The following FHOD1 variants were observed in gnomAD, a reference collection of about 807,000 sequenced individuals.
FHOD1 encodes formin homology 2 domain containing 1, also known as FH1/FH2 domain-containing protein 1.
FHOD1 carries 89 observed loss-of-function variants against 111.6 expected under a neutral mutation model. The ratio of observed to expected loss-of-function variants is 0.80; its 90% CI spans 0.67 to 0.95. The LOEUF (loss-of-function observed/expected upper bound fraction) is 0.95. FHOD1 is among the 40% of genes least tolerant of loss of function. The pLI, the probability that FHOD1 is intolerant of heterozygous loss-of-function variation, is 0.00. For missense variants in FHOD1, 1,446 were observed against 1,554.2 expected, an observed-to-expected ratio of 0.93 and a Z score of 1.17; for synonymous variants, 618 against 639.0, an observed-to-expected ratio of 0.97 and a Z score of 0.50.
rs750563807 is a variant in FHOD1 at position 67,238,255 on chromosome 16, A to T, written c.494T>A (p.Leu165Gln). Reference sequence around the variant, plus strand: ...GTCGGCAGCAGCACCCACACGGATCAGGCAGCTCAGCCCCTCTGAATGCAC... The same window carrying T: ...GTCGGCAGCAGCACCCACACGGATCTGGCAGCTCAGCCCCTCTGAATGCAC... Reference protein sequence around the residue: ...EFVHSEGLSCLIRVGAAADHN... With the variant: ...EFVHSEGLSCQIRVGAAADHN... The change falls in exon 5 of 22, where the codon CTG becomes CAG. Residue 165 changes from leucine (L) to glutamine (Q), a missense_variant. By Grantham distance (113) the Leu-to-Gln change is moderately radical (BLOSUM62 -2). Coordinates refer to ENST00000258201, the MANE Select transcript of FHOD1 (RefSeq NM_013241.3). The surrounding 1 kb of genome is among the most constrained non-coding windows in gnomAD (Gnocchi z 4.2). The T allele has an allele frequency of 1.2e-6, 2 of 1,614,186 alleles. No homozygotes were observed. Among genetic ancestry groups the T allele is most frequent in the Non-Finnish European group, 1.7e-6 (2 of 1,180,026 alleles).
intron 1 of FHOD1, among the ~76,000 whole-genome samples, chr16:67,243,314 G>A (rs1308442737): frequency 2.0e-5 from 3 of 152,068 alleles, no homozygotes; most frequent in African/African-American, 7.2e-5. Flanking sequence ...CCTTGGGGAG[G>A]GAAATCCACT....
chr16:67,230,407 C>G lies in FHOD1; in HGVS notation c.2958G>C (p.Glu986Asp). The G allele has an allele frequency of 6.2e-7, 1 of 1,614,254 alleles. No homozygotes were observed. Reference protein sequence around the residue: ...FCHTLREFALEYRTCRERVLQ... With the variant: ...FCHTLREFALDYRTCRERVLQ... ...GCACTCGTTCCCGGCAAGTCCGATACTCAAGCGCAAATTCCCGCAGCGTGT... is the reference window on the plus strand; with the variant it reads ...GCACTCGTTCCCGGCAAGTCCGATAGTCAAGCGCAAATTCCCGCAGCGTGT... Residue 986 changes from glutamate to aspartate, a missense_variant, in exon 19 of 22, where the codon GAG becomes GAC. By Grantham distance (45) the Glu-to-Asp change is conservative. This residue lies in a region of FHOD1 where 1,085 missense variants were observed against 1,108.8 expected (regional missense o/e 0.98). Transcript: ENST00000258201.
In FHOD1 at chr16:67,236,573, C is replaced by T. The variant is rs774140986; in HGVS notation, c.1303G>A (p.Glu435Lys). 3.3e-5 allele frequency: 54 copies of T among 1,613,172 alleles called. No homozygotes were observed. The highest frequency in any genetic ancestry group is 4.0e-5 in the Non-Finnish European group (47 of 1,179,760). Residue 435 changes from glutamate (E) to lysine (K), a missense_variant, in exon 11 of 22, where the codon GAG (glutamate) becomes AAG (lysine). Physicochemically the swap from Glu to Lys is moderately conservative, Grantham distance 56. Transcript: ENST00000258201. ...SVAPSADTSS[E>K]RSIYKARFLE... The stretch of plus-strand genomic sequence containing the variant: ...CCTACTTACTTGTAGATGCTCCTCT[C>T]GCTGGAGGTGTCAGCTGAGGGTGCC...
In FHOD1 at chr16:67,234,193, G is replaced by C; in HGVS notation, c.1510C>G (p.Leu504Val). The change falls in exon 13 of 22, where the codon CTG becomes GTG. Residue 504 changes from leucine to valine, a missense_variant. Around this residue, in one of 3 missense-constraint regions of FHOD1, gnomAD observed 1,085 missense variants for 1,108.8 expected, o/e 0.98. Coordinates refer to ENST00000258201, the MANE Select transcript of FHOD1 (RefSeq NM_013241.3). The part of the protein sequence containing the change: ...RTPQSPAPCV[L>V]LRAQRSLAPE... ...GCAAGGCTTCGCTGGGCCCGGAGCA[G>C]GACACAGGGGGCAGGGCTCTGGGGT... The C allele has an allele frequency of 6.5e-7, 1 of 1,548,660 alleles. No individual in the cohort carries two copies. Among genetic ancestry groups the C allele is most frequent in the Non-Finnish European group, 8.7e-7 (1 of 1,145,756 alleles).
In FHOD1 at chr16:67,233,936, TG is replaced by T; in HGVS notation, c.1766del (p.Pro589HisfsTer39). 2.6e-6 allele frequency: 1 copy of T among 388,526 alleles called. No homozygotes were observed. Among genetic ancestry groups the T allele is most frequent in the Non-Finnish European group, 3.6e-6 (1 of 280,582 alleles). The allele number at this position is 388,526 out of a possible 1,614,324, so 24.1% of individuals were successfully genotyped here. On this transcript the variant is annotated frameshift_variant, in exon 13 of 22. Coordinates refer to ENST00000258201, the MANE Select transcript of FHOD1 (RefSeq NM_013241.3). LOFTEE classifies it high-confidence loss of function. ...AGGGGCCTTTGATGGGTGGGGGAGG[TG>T]GAAGTGGGGGAGGGGGGGGTACTCC... ...LSGVPPPPPL[P>X]PPPPIKGPFP... is the part of the protein sequence containing the mutation.
chr16:67,239,441 G>C lies in FHOD1; in HGVS notation c.215C>G (p.Ala72Gly), dbSNP rs149529136. 2.5e-6 allele frequency: 4 copies of C among 1,613,762 alleles called. No individual in the cohort carries two copies. The highest frequency in any genetic ancestry group is 1.7e-6 in the Non-Finnish European group (2 of 1,179,828). ...LGAPLKLEDC[A>G]LQVSPSGYYL... ...GTATCCGGAGGGAGACACTTGCAGA[G>C]CACAATCCTCCAACTGGGGGCAAAG... The change falls in exon 2 of 22, where the codon GCT (alanine) becomes GGT (glycine). Residue 72 changes from alanine (A) to glycine (G), a missense_variant. Transcript: ENST00000258201.
Position 67,237,865 on chromosome 16 carries a change from G to C in FHOD1, c.643-97C>G. 2 of 1,366,862 alleles carry C rather than the reference G, an allele frequency of 1.5e-6. No homozygotes were observed. The highest frequency in any genetic ancestry group is 2.1e-6 in the Non-Finnish European group (2 of 962,934). The allele number at this position is 1,366,862 out of a possible 1,614,324, so 84.7% of individuals were successfully genotyped here. Reference sequence around the variant, plus strand: ...AAGGGCTGCTGGGGCTGGACCCAGAGAGAATCTAGGCAGAATGACCCTGGC... The same window carrying C: ...AAGGGCTGCTGGGGCTGGACCCAGACAGAATCTAGGCAGAATGACCCTGGC... On this transcript the variant is annotated intron_variant, in intron 6 of 21. Transcript: ENST00000258201. This position sits in a 1 kb window ranked among gnomAD's most constrained non-coding sequence, Gnocchi z 5.6.
In FHOD1 at chr16:67,236,612, GA is replaced by G; in HGVS notation, c.1263del (p.Pro422LeufsTer98). On this transcript the variant is annotated frameshift_variant, in exon 11 of 22. Coordinates refer to ENST00000258201, the MANE Select transcript of FHOD1 (RefSeq NM_013241.3). LOFTEE classifies it high-confidence loss of function. ...GCTGAGGGTGCCACAGAGATGGTAG[GA>G]AAAAGGTTCACTGAAGCTTGGAGAC... The part of the protein sequence containing the change: ...PSGLQASVNL[F>X]PTISVAPSAD... 2 of 1,613,732 alleles carry G rather than the reference GA, an allele frequency of 1.2e-6. No homozygotes were observed. The highest frequency in any genetic ancestry group is 1.7e-5 in the Admixed American group (1 of 59,988).
At chr16:67,243,804 C>T (rs2034732675) in intron 1 of FHOD1, among the ~76,000 whole-genome samples, 1 of 152,196 alleles carries the variant, frequency 6.6e-6, no homozygotes, top group African/African-American at 2.4e-5. Context: ...CCAATAGACA[C>T]ACGCACCCCA....
chr16:67,240,072 C>CTG (rs140148036), intron 1 of FHOD1, among the ~76,000 whole-genome samples: 69 of 151,784 alleles, frequency 4.5e-4, no homozygotes, highest in African/African-American at 1.4e-3. Flanking sequence ...GAGAGTGTGT[C>CTG]TGTGTGTGTG....
In FHOD1 at chr16:67,233,765, G is replaced by A; in HGVS notation, c.1938C>T (p.Arg646=). 2 of 1,613,970 alleles carry A rather than the reference G, an allele frequency of 1.2e-6. No individual in the cohort carries two copies. The highest frequency in any genetic ancestry group is 1.7e-6 in the Non-Finnish European group (2 of 1,180,016). ...LAGGHGVSAS[R]FGPCATLWAS... is the part of the protein sequence containing the mutation. ...CCCAGAGGGTGGCGCAGGGCCCAAA[G>A]CGGCTTGCAGAGACTCCATGGCCCC... Residue 646 remains arginine, a synonymous_variant, in exon 13 of 22, where the codon CGC becomes CGT. Coordinates refer to ENST00000258201, the MANE Select transcript of FHOD1 (RefSeq NM_013241.3).
At position 67,236,949 on chromosome 16, in the gene FHOD1, C is replaced by T. The variant is rs897917684; in HGVS notation, c.1142+17G>A. On this transcript the variant is annotated intron_variant, in intron 10 of 21. Transcript: ENST00000258201. ...TAGTAGATCCACCCTTTCCCATCTA[C>T]AGATGCTCGTACTTACCCAGGTTCC... The T allele has an allele frequency of 6.8e-6, 10 of 1,461,268 alleles. 1 individual carries two copies. In the African/African-American group the frequency reaches 1.3e-4, roughly 19 times the overall value. 90.5% of individuals were successfully genotyped at this position (1,461,268 alleles called of 1,614,324 possible).
In FHOD1 at chr16:67,237,438, G is replaced by C. The variant is rs2034531281; in HGVS notation, c.849+37C>G. The C allele has an allele frequency of 6.2e-7, 1 of 1,614,016 alleles. No homozygotes were observed. ...AGGTTGGTGGGGAGGTCAGGAGCCT[G>C]AGCATCCCAGAGCTGGCACCCAGTC... On this transcript the variant is annotated intron_variant, in intron 8 of 21. Transcript: ENST00000258201. This position sits in a 1 kb window ranked among gnomAD's most constrained non-coding sequence, Gnocchi z 5.6.
chr16:67,233,423 A>G (rs1056313628), intron 13 of FHOD1, among the ~76,000 whole-genome samples: 2 of 151,476 alleles, frequency 1.3e-5, no homozygotes, highest in Non-Finnish European at 2.9e-5. Context: ...TATGTTGCAC[A>G]GGCTGGTCTC....
rs1597321036 is a variant in FHOD1 at position 67,234,277 on chromosome 16, G to A, written c.1436-10C>T. On this transcript the variant is annotated splice_polypyrimidine_tract_variant and intron_variant, in intron 12 of 21. Transcript: ENST00000258201. Reference sequence around the variant, plus strand: ...CAGAGTTGCCGGGCATCTAAAGAAAGGGAAGGAGCTGTCAGTGCCATGCCC... The same window carrying A: ...CAGAGTTGCCGGGCATCTAAAGAAAAGGAAGGAGCTGTCAGTGCCATGCCC... 1 of 1,576,732 alleles carries A rather than the reference G, an allele frequency of 6.3e-7. No homozygotes were observed. Among genetic ancestry groups the A allele is most frequent in the Non-Finnish European group, 8.6e-7 (1 of 1,158,018 alleles).
chr16:67,236,807 C>T (rs1481190189), intron 10 of FHOD1, 74 bp from the exon 11 acceptor site: 4 of 72,144 alleles, frequency 5.5e-5, no homozygotes, highest in Non-Finnish European at 9.0e-5. Flanking sequence ...GTGGGGCCTG[C>T]GGGGCGGGAG....
At chr16:67,245,854 G>C (rs1056786662) in intron 1 of FHOD1, among the ~76,000 whole-genome samples, 3 of 152,094 alleles carry the variant, frequency 2.0e-5, no homozygotes, top group Non-Finnish European at 4.4e-5. Flanking sequence ...TTCAGGATCC[G>C]GACTTTAGGA....
At chr16:67,245,014 C>G (rs1382981578) in intron 1 of FHOD1, among the ~76,000 whole-genome samples, 2 of 152,228 alleles carry the variant, frequency 1.3e-5, no homozygotes, top group Non-Finnish European at 2.9e-5. Context: ...ATGTCCCTGT[C>G]TCTGCCCTAT....
intron 2 of FHOD1, 22 bp downstream of exon 2, chr16:67,239,326 C>T: frequency 6.3e-7 from 1 of 1,597,328 alleles, no homozygotes; most frequent in Non-Finnish European, 8.6e-7. Context: ...AACCTTGCCT[C>T]CCTGGCCCCA....
Sources: gnomAD v4.1 joint callset for allele counts (sites outside exome capture counted in the v4.1 genomes callset) on GRCh38, gnomAD v4.1.1 for gene constraint, gnomAD v4.1.1 regional missense constraint, Gnocchi (gnomAD v3.1) non-coding constraint, MANE v1.5 for transcripts, NCBI Gene and HGNC (gene_info 2026-07-23, HGNC 2026-07-21) for gene names.